Variants in PRKCQ observed in about 807,000 individuals in gnomAD.
PRKCQ encodes protein kinase C theta, also known as protein kinase C theta type.
Under a neutral mutation model 91.2 loss-of-function variants are expected in PRKCQ, and 41 were observed. That is an observed-to-expected ratio of 0.45 (90% CI 0.35 to 0.58). The LOEUF (loss-of-function observed/expected upper bound fraction) is 0.58. Ranked by LOEUF, PRKCQ falls within the 20% of genes least tolerant of loss-of-function variation. The pLI, the probability that PRKCQ is intolerant of heterozygous loss-of-function variation, is 0.00. For missense variants in PRKCQ, 673 were observed against 896.5 expected (o/e 0.75, Z 3.18); for synonymous variants, 307 against 316.9 (o/e 0.97, Z 0.33).
chr10:6,515,709 C>G (rs906123786), intron 1 of PRKCQ, among the ~76,000 whole-genome samples: 1 of 152,210 alleles, frequency 6.6e-6, no homozygotes, highest in African/African-American at 2.4e-5. Context: ...CACACACACT[C>G]TAAGCCTTTG....
Position 6,579,855 on chromosome 10 carries a change from T to TTTA in PRKCQ, c.-10+355_-10+356insTAA, listed in dbSNP as rs1491546350. 6.5e-5 allele frequency among the ~76,000 whole-genome samples: 9 copies of TTTA among 138,504 alleles called. 1 individual carries two copies. The East Asian group carries it at 1.3e-3, about 20-fold the overall frequency. 90.9% of individuals were successfully genotyped at this position (138,504 alleles called of 152,430 possible). On this transcript the variant is annotated intron_variant, in intron 1 of 17. Transcript: ENST00000263125. Reference sequence around the variant, plus strand: ...CTCACGCATTTTTTTTTTTTTTTTTTACCAAGAATACAAAAACTTTCCACC... The same window carrying TTTA: ...CTCACGCATTTTTTTTTTTTTTTTTTTTAACCAAGAATACAAAAACTTTCCACC...
chr10:6,402,813 G>T, the PRKCQ span, among the ~76,000 whole-genome samples: 1 of 152,266 alleles, frequency 6.6e-6, no homozygotes, highest in African/African-American at 2.4e-5. Context: ...TGGAGGCTGA[G>T]ACAGGAGAAT....
At chr10:6,440,021 GT>G (rs1435916599) in intron 16 of PRKCQ, among the ~76,000 whole-genome samples, 5 of 152,164 alleles carry the variant, frequency 3.3e-5, no homozygotes, top group East Asian at 1.9e-4. Context: ...CATGGGGGCG[GT>G]TTCCCCCCAT....
At chr10:6,408,048 T>G in the PRKCQ span, among the ~76,000 whole-genome samples, 2 of 11,138 alleles carry the variant, frequency 1.8e-4, no homozygotes, top group Non-Finnish European at 8.3e-3. Flanking sequence ...TTGTGTCAGT[T>G]TTTTTTTTTT....
Position 6,503,129 on chromosome 10 carries a change from G to A in PRKCQ, c.379+4307C>T, listed in dbSNP as rs112923710. On this transcript the variant is annotated intron_variant, in intron 4 of 17. Transcript: ENST00000263125. ...TAATGAGAGCAGAGTGCTGACAAAGGCTTATCATGGGAGCCAGGCTAGGTA... is the reference window on the plus strand; with the variant it reads ...TAATGAGAGCAGAGTGCTGACAAAGACTTATCATGGGAGCCAGGCTAGGTA... Among the ~76,000 whole-genome samples, 618 of 152,352 alleles carry A rather than the reference G, an allele frequency of 4.1e-3. 4 individuals are homozygous for A. The highest frequency in any genetic ancestry group is 0.021 in the South Asian group (102 of 4,828).
chr10:6,507,298 T>C lies in PRKCQ; in HGVS notation c.379+138A>G, dbSNP rs1838248970. 3.6e-6 allele frequency: 3 copies of C among 828,706 alleles called. No individual in the cohort carries two copies. In the Admixed American group the frequency reaches 5.8e-5, roughly 16 times the overall value. 51.3% of individuals were successfully genotyped at this position (828,706 alleles called of 1,614,324 possible). Reference sequence around the variant, plus strand: ...TTTTAAAGTCATGCCTGAGCACCTCTGAGAATTTTAAAACAATTTTGTGCC... The same window carrying C: ...TTTTAAAGTCATGCCTGAGCACCTCCGAGAATTTTAAAACAATTTTGTGCC... On this transcript the variant is annotated intron_variant, in intron 4 of 17. Coordinates refer to ENST00000263125, the MANE Select transcript of PRKCQ (RefSeq NM_006257.5).
At chr10:6,401,406 T>A in the PRKCQ span, among the ~76,000 whole-genome samples, 1 of 152,168 alleles carries the variant, frequency 6.6e-6, no homozygotes, top group African/African-American at 2.4e-5. Context: ...GTCAACAAAC[T>A]TTAAGGACAT....
intron 1 of PRKCQ, among the ~76,000 whole-genome samples, chr10:6,538,573 G>T (rs898185487): frequency 6.6e-6 from 1 of 152,156 alleles, no homozygotes; most frequent in Non-Finnish European, 1.5e-5. Context: ...ACATCTAGTC[G>T]GCACTAAGAT....
chr10:6,483,719 G>A, intron 10 of PRKCQ, 119 bp from the exon 11 acceptor site: 1 of 1,178,966 alleles, frequency 8.5e-7, no homozygotes, highest in Non-Finnish European at 1.2e-6. Flanking sequence ...AGTAATTGGG[G>A]GTGTTTAGAG....
At chr10:6,570,067 C>G (rs1181513747) in intron 1 of PRKCQ, among the ~76,000 whole-genome samples, 1 of 151,856 alleles carries the variant, frequency 6.6e-6, no homozygotes. Flanking sequence ...AGGAAGGAAA[C>G]ATGGGCAGGG....
At chr10:6,426,345 T>A (rs554157674), downstream of PRKCQ, among the ~76,000 whole-genome samples, 36 of 152,222 alleles carry the variant, frequency 2.4e-4, no homozygotes, top group African/African-American at 8.4e-4. Flanking sequence ...AGAGCAGAGA[T>A]CAGAACAGAA....
chr10:6,545,419 G>C (rs759824843), intron 1 of PRKCQ, among the ~76,000 whole-genome samples: 1 of 152,220 alleles, frequency 6.6e-6, no homozygotes. Flanking sequence ...AAAAAGGAAG[G>C]ACGTGGTGAC....
In PRKCQ at chr10:6,497,131, G is replaced by GA. The variant is rs538227609; in HGVS notation, c.575-12dup. ...TTGCTGCATTGCATTCTGAAAAGAA[G>GA]AAAAAAATCACAGCTTAAGATTTTC... On this transcript the variant is annotated splice_polypyrimidine_tract_variant and intron_variant, in intron 6 of 17. Transcript: ENST00000263125. This position sits in a 1 kb window ranked among gnomAD's most constrained non-coding sequence, Gnocchi z 4.5. 366 of 1,613,758 alleles carry GA rather than the reference G, an allele frequency of 2.3e-4. 1 individual carries two copies. In the African/African-American group the frequency reaches 4.4e-3, roughly 19 times the overall value.
At chr10:6,407,208 C>T in the PRKCQ span, among the ~76,000 whole-genome samples, 90 of 151,672 alleles carry the variant, frequency 5.9e-4, no homozygotes, top group African/African-American at 2.0e-3. This position sits in a 1 kb window ranked among gnomAD's most constrained non-coding sequence, Gnocchi z 4.0. Flanking sequence ...AATCCCATGC[C>T]GGCTGAGCTT....
At chr10:6,556,167 T>G (rs1444758405) in intron 1 of PRKCQ, among the ~76,000 whole-genome samples, 1 of 152,108 alleles carries the variant, frequency 6.6e-6, no homozygotes, top group East Asian at 1.9e-4. Flanking sequence ...TGAGGGCTCA[T>G]GCCTGTAATC....
chr10:6,461,207 C>T (rs1835330775), intron 14 of PRKCQ, among the ~76,000 whole-genome samples: 1 of 151,662 alleles, frequency 6.6e-6, no homozygotes, highest in African/African-American at 2.4e-5. Context: ...ATCCATTCAA[C>T]CATCCACACC....
At chr10:6,468,089 A>G (rs186873435) in intron 12 of PRKCQ, among the ~76,000 whole-genome samples, 119 of 152,358 alleles carry the variant, frequency 7.8e-4, no homozygotes, top group African/African-American at 2.8e-3. Flanking sequence ...ATTTAACAAA[A>G]TCAGTTGTAT....
the PRKCQ span, among the ~76,000 whole-genome samples, chr10:6,398,371 G>A: frequency 1.3e-5 from 2 of 152,184 alleles, no homozygotes; most frequent in African/African-American, 4.8e-5. Context: ...ATAAAGGGCT[G>A]TTTGTCATAT....
chr10:6,500,396 T>A (rs925868237), intron 4 of PRKCQ, among the ~76,000 whole-genome samples: 3 of 151,572 alleles, frequency 2.0e-5, no homozygotes, highest in Admixed American at 6.6e-5. Context: ...TTAAACATAT[T>A]TTATACATAT....
Sources: allele counts gnomAD v4.1 joint callset (sites outside exome capture counted in the v4.1 genomes callset), GRCh38; gene constraint gnomAD v4.1.1; non-coding constraint Gnocchi (gnomAD v3.1); transcripts MANE v1.5; gene names NCBI Gene and HGNC (gene_info 2026-07-23, HGNC 2026-07-21).